TMPRSS15: variants seen among roughly 807,000 people sequenced by gnomAD.
TMPRSS15 encodes enteropeptidase.
In TMPRSS15, 128 loss-of-function variants were observed where a neutral mutation model predicts 125.3. The observed-to-expected ratio is 1.02, with a 90% CI of 0.89 to 1.18. The LOEUF is 1.18. Among genes scored for constraint, TMPRSS15 ranks in the 50% most tolerant of loss-of-function variants. TMPRSS15 has a pLI of 0.00. For synonymous variants in TMPRSS15, 446 were observed against 423.2 expected, an observed-to-expected ratio of 1.05 and a Z score of -0.66; for missense variants, 1,283 against 1,212.7, an observed-to-expected ratio of 1.06 and a Z score of -0.86.
At chr21:18,284,767 G>A (rs923210899) in intron 21 of TMPRSS15, among the ~76,000 whole-genome samples, 3 of 152,064 alleles carry the variant, frequency 2.0e-5, no homozygotes, top group Non-Finnish European at 2.9e-5. Context: ...TTCGGAGGCC[G>A]AGGCAGGTGG....
chr21:18,305,291 C>T (rs993552733), intron 18 of TMPRSS15, among the ~76,000 whole-genome samples: 71 of 149,398 alleles, frequency 4.8e-4, no homozygotes, highest in South Asian at 8.5e-4. Context: ...CGGGTTCACG[C>T]CATTCTCCTG....
At chr21:18,291,565 A>G (rs2074835021) in intron 21 of TMPRSS15, among the ~76,000 whole-genome samples, 1 of 152,220 alleles carries the variant, frequency 6.6e-6, no homozygotes, top group South Asian at 2.1e-4. Flanking sequence ...AACTTGCTTG[A>G]TCTGAGTTAT....
chr21:18,387,612 T>TACACACACACACACACAC (rs57708622), intron 3 of TMPRSS15, among the ~76,000 whole-genome samples: 3 of 145,144 alleles, frequency 2.1e-5, no homozygotes, highest in Admixed American at 1.4e-4. Flanking sequence ...CACACACACA[T>TACACACACACACACACAC]ACACACACAC....
chr21:18,334,056 G>A (rs1394153008), intron 13 of TMPRSS15, among the ~76,000 whole-genome samples: 1 of 152,082 alleles, frequency 6.6e-6, no homozygotes, highest in Non-Finnish European at 1.5e-5. Context: ...ATTTTGGGAG[G>A]GATAATTAAG....
At chr21:18,432,428 T>A (rs986861586) in intron 1 of TMPRSS15, among the ~76,000 whole-genome samples, 1 of 152,170 alleles carries the variant, frequency 6.6e-6, no homozygotes, top group Non-Finnish European at 1.5e-5. Context: ...TCTCAGTACC[T>A]CAGATTGCCA....
At chr21:18,354,001 A>G (rs1000756735) in intron 8 of TMPRSS15, 138 bp from the exon 9 acceptor site, 2 of 721,574 alleles carry the variant, frequency 2.8e-6, no homozygotes, top group Non-Finnish European at 4.7e-6. Flanking sequence ...TTAGTTAACT[A>G]AAAGCATTAG....
chr21:18,339,839 T>C (rs1352529205), intron 13 of TMPRSS15, among the ~76,000 whole-genome samples: 2 of 152,212 alleles, frequency 1.3e-5, no homozygotes, highest in Admixed American at 6.5e-5. Context: ...ATTGTCTTCT[T>C]TGACATGGAT....
chr21:18,269,969 C>CTAATG lies in TMPRSS15; in HGVS notation c.3055_3059dup (p.Ter1020TyrfsTer33). On this transcript the variant is annotated frameshift_variant and stop_lost, in exon 25 of 25. Transcript: ENST00000284885. LOFTEE classifies it high-confidence loss of function. ...TTTCCTGTTTAGTTTAAGAAATGCGCTAATGTAGAAAACTTTGTATCCATT... is the reference window on the plus strand; with the variant it reads ...TTTCCTGTTTAGTTTAAGAAATGCGCTAATGTAATGTAGAAAACTTTGTATCCATT... The CTAATG allele has an allele frequency of 1.2e-6, 2 of 1,613,708 alleles. No homozygotes were observed. Among genetic ancestry groups the CTAATG allele is most frequent in the Non-Finnish European group, 1.7e-6 (2 of 1,179,744 alleles).
At position 18,275,339 on chromosome 21, in the gene TMPRSS15, G is replaced by A. The variant is rs532367416; in HGVS notation, c.2765-3C>T. The A allele has an allele frequency of 8.7e-6, 14 of 1,613,718 alleles. No individual in the cohort carries two copies. The South Asian group carries it at 1.5e-4, about 18-fold the overall frequency. ...TTGCAATATGTTTGCAGTAGTACCT[G>A]CTCAAAATGGAGAATGCAGCCAGCC... On this transcript the variant is annotated splice_polypyrimidine_tract_variant and splice_region_variant and intron_variant, in intron 23 of 24. Coordinates refer to ENST00000284885, the MANE Select transcript of TMPRSS15 (RefSeq NM_002772.3).
At chr21:18,278,872 G>C in intron 23 of TMPRSS15, 92 bp downstream of exon 23, 2 of 698,298 alleles carry the variant, frequency 2.9e-6, no homozygotes, top group Non-Finnish European at 5.0e-6. Flanking sequence ...GAATTGCAAA[G>C]ATGTTGAAAG....
intron 1 of TMPRSS15, among the ~76,000 whole-genome samples, chr21:18,449,920 A>G (rs2076264076): frequency 6.6e-6 from 1 of 151,754 alleles, no homozygotes; most frequent in Non-Finnish European, 1.5e-5. Context: ...ATGGAAGAAT[A>G]GCCTTTCAAT....
intron 18 of TMPRSS15, 48 bp from the exon 19 acceptor site, chr21:18,297,877 A>G (rs779551247): frequency 1.8e-5 from 26 of 1,419,786 alleles, no homozygotes; most frequent in South Asian, 2.3e-5. Context: ...AGCATAAAGA[A>G]AAGACCATAA....
chr21:18,399,929 C>T (rs888459338), intron 1 of TMPRSS15, among the ~76,000 whole-genome samples: 42 of 152,052 alleles, frequency 2.8e-4, no homozygotes, highest in Admixed American at 2.0e-4. Flanking sequence ...TTTCTATACG[C>T]TAAATACATT....
At chr21:18,426,273 G>A (rs1305787617) in intron 1 of TMPRSS15, among the ~76,000 whole-genome samples, 1 of 152,114 alleles carries the variant, frequency 6.6e-6, no homozygotes, top group Non-Finnish European at 1.5e-5. Flanking sequence ...AAAATACCAA[G>A]GAGTAGTATA....
intron 1 of TMPRSS15, among the ~76,000 whole-genome samples, chr21:18,446,368 C>T (rs1038140269): frequency 7.2e-5 from 11 of 151,998 alleles, no homozygotes; most frequent in Non-Finnish European, 4.4e-5. Flanking sequence ...GTAAAAATAA[C>T]AATACTACTC....
At chr21:18,346,236 A>G (rs1181379931) in intron 10 of TMPRSS15, among the ~76,000 whole-genome samples, 10 of 152,186 alleles carry the variant, frequency 6.6e-5, no homozygotes, top group African/African-American at 2.2e-4. Context: ...TACTTAGTCT[A>G]ACCACTAATT....
At chr21:18,373,047 A>G (rs2147048494) in intron 5 of TMPRSS15, among the ~76,000 whole-genome samples, 1 of 152,360 alleles carries the variant, frequency 6.6e-6, no homozygotes, top group East Asian at 1.9e-4. Context: ...GCCTCTGAAT[A>G]TAACAACAAT....
At chr21:18,420,078 G>A (rs780613534) in intron 1 of TMPRSS15, among the ~76,000 whole-genome samples, 10 of 152,182 alleles carry the variant, frequency 6.6e-5, no homozygotes, top group Admixed American at 5.9e-4. Flanking sequence ...TTAAAAATAT[G>A]TATAGGAAAA....
chr21:18,376,927 C>T (rs1448966930), intron 5 of TMPRSS15, among the ~76,000 whole-genome samples: 1 of 152,146 alleles, frequency 6.6e-6, no homozygotes, highest in Non-Finnish European at 1.5e-5. Flanking sequence ...ATGATGCATG[C>T]ATCTGTTGAT....
Sources: gnomAD v4.1 joint callset for allele counts (sites outside exome capture counted in the v4.1 genomes callset) on GRCh38, gnomAD v4.1.1 for gene constraint, MANE v1.5 for transcripts, NCBI Gene and HGNC (gene_info 2026-07-23, HGNC 2026-07-21) for gene names.